Variants in PRKAG2 observed in about 807,000 individuals in gnomAD.
The protein encoded by PRKAG2 is 5'-AMP-activated protein kinase subunit gamma-2.
PRKAG2 carries 26 observed loss-of-function variants against 69.6 expected under a neutral mutation model. The ratio of observed to expected loss-of-function variants is 0.37; its 90% confidence interval spans 0.27 to 0.52. The LOEUF is 0.52. Ranked by LOEUF, PRKAG2 falls within the 20% of genes least tolerant of loss-of-function variation. PRKAG2 has a pLI of 0.90. For synonymous variants in PRKAG2, 293 were observed against 285.0 expected (o/e 1.03, Z -0.28); for missense variants, 557 against 740.0 (o/e 0.75, Z 2.87).
intron 3 of PRKAG2, among the ~76,000 whole-genome samples, chr7:151,743,993 C>T (rs1038268134): frequency 1.3e-5 from 2 of 152,228 alleles, no homozygotes; most frequent in African/African-American, 2.4e-5. Context: ...CTGTGCACTA[C>T]ACAGCAGAGC....
chr7:151,712,208 G>A (rs956926466), intron 3 of PRKAG2, among the ~76,000 whole-genome samples: 2 of 152,208 alleles, frequency 1.3e-5, no homozygotes, highest in African/African-American at 4.8e-5. Context: ...GCCTCCGCCC[G>A]ACCCTCTGAG....
chr7:151,660,271 A>G (rs1324151233), intron 4 of PRKAG2, among the ~76,000 whole-genome samples: 1 of 152,132 alleles, frequency 6.6e-6, no homozygotes, highest in Non-Finnish European at 1.5e-5. Flanking sequence ...AAGAAGGAAA[A>G]TCTCCTTTCT....
rs572386631 is a variant in PRKAG2 at position 151,657,613 on chromosome 7, A to C, written c.684+17807T>G. Among the ~76,000 whole-genome samples, 3 of 152,206 alleles carry C rather than the reference A, an allele frequency of 2.0e-5. No individual in the cohort carries two copies. In the South Asian group the frequency reaches 6.2e-4, roughly 31 times the overall value. ...GGTTCTTAACTTGCAAAATAGAGAT[A>C]ATAATATCTTCTTTGCAGGACTGTT... On this transcript the variant is annotated intron_variant, in intron 4 of 15. Transcript: ENST00000287878.
At chr7:151,855,743 A>G (rs2151901739) in intron 1 of PRKAG2, among the ~76,000 whole-genome samples, 1 of 143,294 alleles carries the variant, frequency 7.0e-6, no homozygotes, top group African/African-American at 2.5e-5. Context: ...GGGTGGGGGC[A>G]GGCAGAGGGG....
chr7:151,566,636 G>A, intron 11 of PRKAG2: 1 of 434,644 alleles, frequency 2.3e-6, no homozygotes, highest in Non-Finnish European at 4.6e-6. Flanking sequence ...AGGAAAAGAT[G>A]AACAATTAGA....
Position 151,836,727 on chromosome 7 carries a change from G to A in PRKAG2, c.114+39780C>T, listed in dbSNP as rs1198468936. ...CTCAGGCCACAGCTCCTGGGCTGGA[G>A]AACTGTGAGGTAGGACCTAGCCCCT... On this transcript the variant is annotated intron_variant, in intron 1 of 15. Coordinates refer to ENST00000287878, the MANE Select transcript of PRKAG2 (RefSeq NM_016203.4). The surrounding 1 kb of genome is among the most constrained non-coding windows in gnomAD (Gnocchi z 4.1). 6.6e-6 allele frequency among the ~76,000 whole-genome samples: 1 copy of A among 152,242 alleles called. No homozygotes were observed. Among genetic ancestry groups the A allele is most frequent in the Non-Finnish European group, 1.5e-5 (1 of 68,048 alleles).
At chr7:151,653,239 T>C (rs1479252857) in intron 4 of PRKAG2, among the ~76,000 whole-genome samples, 1 of 152,142 alleles carries the variant, frequency 6.6e-6, no homozygotes, top group African/African-American at 2.4e-5. Flanking sequence ...GAAAAAATTA[T>C]CATTAAATTT....
At chr7:151,708,219 G>A (rs1838949033) in intron 3 of PRKAG2, among the ~76,000 whole-genome samples, 2 of 151,126 alleles carry the variant, frequency 1.3e-5, no homozygotes, top group Non-Finnish European at 1.5e-5. Flanking sequence ...CAGCTACTGT[G>A]AGGTATTGTG....
intron 10 of PRKAG2, 105 bp downstream of exon 10, chr7:151,570,066 C>T (rs1302366417): frequency 1.5e-6 from 2 of 1,346,538 alleles, no homozygotes; most frequent in Non-Finnish European, 1.0e-6. Flanking sequence ...GAGGCAGGCC[C>T]TGTTTGGAAT....
At chr7:151,677,047 A>C (rs950123322) in intron 3 of PRKAG2, among the ~76,000 whole-genome samples, 1 of 152,224 alleles carries the variant, frequency 6.6e-6, no homozygotes, top group African/African-American at 2.4e-5. Context: ...TCTGGCCTTC[A>C]GGACAGGGCT....
chr7:151,563,976 C>T (rs563250425), intron 14 of PRKAG2, 102 bp downstream of exon 14: 63 of 1,545,246 alleles, frequency 4.1e-5, no homozygotes, highest in Middle Eastern at 4.5e-4. Context: ...GAGGCTGCCT[C>T]GCTGGGCCCT....
At chr7:151,697,372 C>T (rs935679197) in intron 3 of PRKAG2, among the ~76,000 whole-genome samples, 7 of 152,046 alleles carry the variant, frequency 4.6e-5, no homozygotes, top group Non-Finnish European at 1.5e-5. Context: ...ACCATCATTC[C>T]CCAGGGGTGT....
chr7:151,829,939 CCT>C (rs1563735530), intron 1 of PRKAG2, among the ~76,000 whole-genome samples: 1 of 151,740 alleles, frequency 6.6e-6, no homozygotes, highest in Middle Eastern at 3.2e-3. Context: ...CAGACACCCC[CCT>C]GAGGCCATCT....
chr7:151,735,066 G>A (rs1799558460), intron 3 of PRKAG2, among the ~76,000 whole-genome samples: 1 of 152,034 alleles, frequency 6.6e-6, no homozygotes, highest in Admixed American at 6.6e-5. Context: ...ATGTTGGCCA[G>A]GCTGGTCTCG....
At position 151,828,387 on chromosome 7, in the gene PRKAG2, C is replaced by A. The variant is rs960672671; in HGVS notation, c.115-41846G>T. On this transcript the variant is annotated intron_variant, in intron 1 of 15. Coordinates refer to ENST00000287878, the MANE Select transcript of PRKAG2 (RefSeq NM_016203.4). The surrounding 1 kb of genome is among the most constrained non-coding windows in gnomAD (Gnocchi z 4.6). ...TCTGCACAGTTCCTGATAGACAGTG[C>A]ATGCTCAGTAAATATTTGTTTAAAG... 1.3e-5 allele frequency among the ~76,000 whole-genome samples: 2 copies of A among 152,196 alleles called. No homozygotes were observed.
intron 1 of PRKAG2, among the ~76,000 whole-genome samples, chr7:151,867,213 T>C (rs1401299037): frequency 6.6e-6 from 1 of 152,134 alleles, no homozygotes; most frequent in Non-Finnish European, 1.5e-5. Context: ...GGACGGAGGC[T>C]GTGGCTGCGC....
chr7:151,682,864 G>A (rs1585734229), intron 3 of PRKAG2, among the ~76,000 whole-genome samples: 1 of 152,156 alleles, frequency 6.6e-6, no homozygotes, highest in South Asian at 2.1e-4. Context: ...AAAGAGCTGG[G>A]CCCCGATCCT....
At chr7:151,821,514 G>A (rs1324090199) in intron 1 of PRKAG2, among the ~76,000 whole-genome samples, 1 of 152,138 alleles carries the variant, frequency 6.6e-6, no homozygotes, top group African/African-American at 2.4e-5. Flanking sequence ...AGAAGGCCCC[G>A]GGCTGCCCAG....
intron 1 of PRKAG2, among the ~76,000 whole-genome samples, chr7:151,787,345 G>T (rs1360800169): frequency 6.6e-6 from 1 of 151,960 alleles, no homozygotes; most frequent in Admixed American, 6.6e-5. Flanking sequence ...AAACCAAAAC[G>T]CTGTTCCCAT....
Sources: gnomAD v4.1 joint callset for allele counts (sites outside exome capture counted in the v4.1 genomes callset) on GRCh38, gnomAD v4.1.1 for gene constraint, Gnocchi (gnomAD v3.1) non-coding constraint, MANE v1.5 for transcripts, NCBI Gene and HGNC (gene_info 2026-07-23, HGNC 2026-07-21) for gene names.